The following KLHL11 variants were observed in gnomAD, a reference collection of about 807,000 sequenced individuals.
KLHL11 encodes the protein kelch-like protein 11.
In KLHL11, 26 loss-of-function variants were observed where a neutral mutation model predicts 56.1. The observed-to-expected ratio is 0.46, with a 90% CI of 0.34 to 0.64. KLHL11 has a LOEUF of 0.64. Ranked by LOEUF, KLHL11 falls within the 30% of genes least tolerant of loss-of-function variation. The pLI, the probability that KLHL11 is intolerant of heterozygous loss-of-function variation, is 0.01. For synonymous variants in KLHL11, 338 were observed against 345.8 expected, an observed-to-expected ratio of 0.98 and a Z score of 0.25; for missense variants, 627 against 919.4, an observed-to-expected ratio of 0.68 and a Z score of 4.11.
intron 1 of KLHL11, among the ~76,000 whole-genome samples, chr17:41,856,749 G>T (rs1555622596): frequency 1.3e-5 from 2 of 152,032 alleles, no homozygotes; most frequent in Admixed American, 6.6e-5. Context: ...GGGCGCAGTG[G>T]CTCACACCTG....
Position 41,865,002 on chromosome 17 carries a change from C to T in KLHL11, c.369G>A (p.Thr123=), listed in dbSNP as rs2048428821. The T allele has an allele frequency of 6.2e-7, 1 of 1,605,338 alleles. No individual in the cohort carries two copies. Among genetic ancestry groups the T allele is most frequent in the African/African-American group, 1.3e-5 (1 of 74,664 alleles). Residue 123 remains threonine, a synonymous_variant, in exon 1 of 2, where the codon ACG becomes ACA. Transcript: ENST00000319121. ...CGGAAAACTGGCCCGAGAGCAGGGG[C>T]GTGAAGTACTCGGTGGCGGCAGCCA... ...SVLAAATEYF[T]PLLSGQFSES... is the part of the protein sequence containing the mutation.
intron 1 of KLHL11, among the ~76,000 whole-genome samples, chr17:41,858,877 C>CA (rs1315223222): frequency 1.3e-5 from 2 of 151,992 alleles, no homozygotes; most frequent in East Asian, 3.9e-4. Context: ...CCCAGCCCAC[C>CA]AGCCTCCTCT....
Position 41,860,525 on chromosome 17 carries a change from A to G in KLHL11, c.545+4301T>C, listed in dbSNP as rs190163417. On this transcript the variant is annotated intron_variant, in intron 1 of 1. Coordinates refer to ENST00000319121, the MANE Select transcript of KLHL11 (RefSeq NM_018143.3). ...AGCTGCTGACAGATGGAGAGAAGTT[A>G]AGAGTTTTTAGTAAAATGCCCAGAG... Among the ~76,000 whole-genome samples the G allele has an allele frequency of 1.2e-3, 176 of 152,242 alleles. No homozygotes were observed. The Middle Eastern group carries it at 0.017, about 15-fold the overall frequency.
chr17:41,861,634 C>T (rs782789209), intron 1 of KLHL11, among the ~76,000 whole-genome samples: 35 of 140,932 alleles, frequency 2.5e-4, no homozygotes, highest in African/African-American at 3.4e-4. Flanking sequence ...TGCAGTGAGC[C>T]GAGATTGCGA....
In KLHL11 at chr17:41,851,891, A is replaced by ACAAAGTG. The variant is rs1369697001; in HGVS notation, c.*1842_*1848dup. Among the ~76,000 whole-genome samples, 2 of 152,114 alleles carry ACAAAGTG rather than the reference A, an allele frequency of 1.3e-5. No individual in the cohort carries two copies. Among genetic ancestry groups the ACAAAGTG allele is most frequent in the East Asian group, 3.9e-4 (2 of 5,170 alleles). On this transcript the variant is annotated 3_prime_UTR_variant, in exon 2 of 2. Transcript: ENST00000319121. ...ATACCACTGTACTCCAACCTGGGTG[A>ACAAAGTG]CAAAGTGGGACCCCATCCCCTGGCC...
At chr17:41,864,028 C>G (rs1264453920) in intron 1 of KLHL11, among the ~76,000 whole-genome samples, 1 of 152,222 alleles carries the variant, frequency 6.6e-6, no homozygotes, top group Non-Finnish European at 1.5e-5. Flanking sequence ...GTTTTGATCA[C>G]TGCTGAAACC....
intron 1 of KLHL11, among the ~76,000 whole-genome samples, chr17:41,856,241 C>T (rs189204837): frequency 1.4e-3 from 213 of 152,332 alleles, no homozygotes; most frequent in Non-Finnish European, 2.6e-3. Context: ...CCACCCACCT[C>T]AGCCTCTCAA....
In KLHL11 at chr17:41,850,014, A is replaced by AT. The variant is rs1445191639; in HGVS notation, c.*3725dup. On this transcript the variant is annotated 3_prime_UTR_variant, in exon 2 of 2. Coordinates refer to ENST00000319121, the MANE Select transcript of KLHL11 (RefSeq NM_018143.3). ...TAAAGTCATGTTTTTAACTGCTTAC[A>AT]TTACCAAAAACAATATTTTAAGTTT... is the stretch of plus-strand genomic sequence containing the variant. 2.0e-5 allele frequency: 3 copies of AT among 152,218 alleles called. No individual in the cohort carries two copies. The highest frequency in any genetic ancestry group is 6.5e-5 in the Admixed American group (1 of 15,278). 9.4% of individuals were successfully genotyped at this position (152,218 alleles called of 1,614,324 possible). A position where few individuals can be genotyped will look rare whatever the true frequency, so the allele number is the denominator to read the frequency against.
intron 1 of KLHL11, among the ~76,000 whole-genome samples, chr17:41,857,695 G>A (rs9894732): frequency 0.95 from 144,069 of 152,188 alleles, 68,241 homozygotes; most frequent in East Asian, 1. Context: ...TGCAGTGGCT[G>A]TTCACAGGTG....
intron 1 of KLHL11, among the ~76,000 whole-genome samples, chr17:41,857,019 C>CA (rs1314486556): frequency 1.3e-5 from 2 of 151,390 alleles, no homozygotes; most frequent in African/African-American, 2.4e-5. Flanking sequence ...GATTCTGTCT[C>CA]AAAAAAATAA....
At chr17:41,858,413 TG>T (rs547251396) in intron 1 of KLHL11, among the ~76,000 whole-genome samples, 11 of 104,100 alleles carry the variant, frequency 1.1e-4, no homozygotes, top group African/African-American at 4.0e-4. Flanking sequence ...TATTTTTTGT[TG>T]TTGTTGTTGT....
intron 1 of KLHL11, among the ~76,000 whole-genome samples, chr17:41,859,310 T>C (rs979098811): frequency 2.5e-4 from 38 of 152,250 alleles, no homozygotes; most frequent in African/African-American, 9.1e-4. Context: ...AGGCCTATAA[T>C]CCCAACACTT....
intron 1 of KLHL11, among the ~76,000 whole-genome samples, chr17:41,863,873 GTACTCCCCCCA>G (rs2048420515): frequency 6.7e-6 from 1 of 149,180 alleles, no homozygotes; most frequent in South Asian, 2.1e-4. Flanking sequence ...CAGTTTCTAT[GTACTCCCCCCA>G]TGCTTTATTT....
intron 1 of KLHL11, among the ~76,000 whole-genome samples, chr17:41,861,499 GA>G (rs1237166342): frequency 6.6e-6 from 1 of 151,842 alleles, no homozygotes; most frequent in Admixed American, 6.6e-5. Flanking sequence ...CAGCCTGGCC[GA>G]TACAGTGAAA....
rs1371038561 is a variant in KLHL11 at position 41,849,484 on chromosome 17, AC to A, written c.*4255del. On this transcript the variant is annotated 3_prime_UTR_variant, in exon 2 of 2. Coordinates refer to ENST00000319121, the MANE Select transcript of KLHL11 (RefSeq NM_018143.3). ...AAAAGTGAGCCCTAGAAACTGCCTT[AC>A]CAGCAGCCTGACGGGTTTAAAAAAC... The A allele has an allele frequency of 1.3e-5, 2 of 152,204 alleles. No individual in the cohort carries two copies. Among genetic ancestry groups the A allele is most frequent in the Admixed American group, 1.3e-4 (2 of 15,272 alleles). 9.4% of individuals were successfully genotyped at this position (152,204 alleles called of 1,614,324 possible).
rs782638338 is a variant in KLHL11 at position 41,854,268 on chromosome 17, C to G, written c.1599G>C (p.Gln533His). The G allele has an allele frequency of 2.5e-6, 4 of 1,614,242 alleles. No homozygotes were observed. In the Admixed American group the frequency reaches 6.7e-5, roughly 27 times the overall value. Residue 533 changes from glutamine (Q) to histidine (H), a missense_variant, in exon 2 of 2, where the codon CAG (glutamine) becomes CAC (histidine). This residue lies in a region of KLHL11 where 250 missense variants were observed against 360.6 expected (regional missense o/e 0.69). Coordinates refer to ENST00000319121, the MANE Select transcript of KLHL11 (RefSeq NM_018143.3). The surrounding 1 kb of genome is among the most constrained non-coding windows in gnomAD (Gnocchi z 4.9). ...VITCYDTETR[Q>H]WQDVESLPLI... ...GCGGCAAAGATTCCACATCTTGCCA[C>G]TGTCGAGTCTCTGTATCATAGCAAG...
intron 1 of KLHL11, among the ~76,000 whole-genome samples, chr17:41,857,790 C>T (rs534733633): frequency 6.6e-6 from 1 of 152,120 alleles, no homozygotes; most frequent in Admixed American, 6.6e-5. Flanking sequence ...ACTACAGGCA[C>T]ATGCTACTGT....
At position 41,855,266 on chromosome 17, in the gene KLHL11, G is replaced by T. The variant is rs781960515; in HGVS notation, c.601C>A (p.His201Asn). Residue 201 changes from histidine (H) to asparagine (N), a missense_variant, in exon 2 of 2, where the codon CAT (histidine) becomes AAT (asparagine). Coordinates refer to ENST00000319121, the MANE Select transcript of KLHL11 (RefSeq NM_018143.3). ...FCGEFLKKKL[H>N]LSNCVAIHSL... ...TGAATTGCCACACAATTTGAGAGAT[G>T]AAGTTTTTTCTTGAGAAATTCTCCA... 8 of 1,602,576 alleles carry T rather than the reference G, an allele frequency of 5.0e-6. No homozygotes were observed. In the South Asian group the frequency reaches 9.1e-5, roughly 18 times the overall value.
At chr17:41,858,218 CTTT>C (rs1174225045) in intron 1 of KLHL11, among the ~76,000 whole-genome samples, 6 of 116,402 alleles carry the variant, frequency 5.2e-5, no homozygotes, top group East Asian at 4.8e-4. Context: ...TCACCAGCCT[CTTT>C]TTTTTTTTTT....
Sources: allele counts gnomAD v4.1 joint callset (sites outside exome capture counted in the v4.1 genomes callset), GRCh38; gene constraint gnomAD v4.1.1; regional missense constraint gnomAD v4.1.1; non-coding constraint Gnocchi (gnomAD v3.1); transcripts MANE v1.5; gene names NCBI Gene and HGNC (gene_info 2026-07-23, HGNC 2026-07-21).